Variants in ADAM8 observed in about 807,000 individuals in gnomAD.
ADAM8 encodes disintegrin and metalloproteinase domain-containing protein 8.
In ADAM8, 104 loss-of-function variants were observed where a neutral mutation model predicts 102.4. The observed-to-expected ratio is 1.02, with a 90% CI of 0.87 to 1.20. The LOEUF (loss-of-function observed/expected upper bound fraction) is 1.20, where lower values mean the gene tolerates loss of function less well. Ranked by LOEUF, ADAM8 falls within the 50% of genes most tolerant of loss-of-function variation. The pLI is 0.00. For missense variants in ADAM8, 1,132 were observed against 1,159.0 expected (o/e 0.98, Z 0.34); for synonymous variants, 517 against 485.2 (o/e 1.07, Z -0.86).
At position 133,268,055 on chromosome 10, in the gene ADAM8, G is replaced by T; in HGVS notation, c.2127C>A (p.Arg709=). 1.6e-6 allele frequency: 2 copies of T among 1,267,246 alleles called. No individual in the cohort carries two copies. The highest frequency in any genetic ancestry group is 2.2e-4 in the Middle Eastern group (1 of 4,494). The allele number at this position is 1,267,246 out of a possible 1,614,324, so 78.5% of individuals were successfully genotyped here. Residue 709 remains arginine, a synonymous_variant, in exon 20 of 23, where the codon CGC becomes CGA. Coordinates refer to ENST00000445355, the MANE Select transcript of ADAM8 (RefSeq NM_001109.5). ...SNPLFHQAAS[R]VPAKGGAPAP... is the part of the protein sequence containing the mutation. Reference sequence around the variant, plus strand: ...CTGGAGCCCCGCCCTTGGCCGGCACGCGGCTGGCAGCCTGGTGGAACAGGG... The same window carrying T: ...CTGGAGCCCCGCCCTTGGCCGGCACTCGGCTGGCAGCCTGGTGGAACAGGG...
intron 22 of ADAM8, 40 bp downstream of exon 22, chr10:133,263,648 T>C (rs373186286): frequency 1.5e-4 from 28 of 183,876 alleles, no homozygotes; most frequent in African/African-American, 1.2e-3. Flanking sequence ...GTGCCGTCCA[T>C]TGCACAGTGG....
In ADAM8 at chr10:133,269,485, G is replaced by A. The variant is rs1044461928; in HGVS notation, c.1908C>T (p.Ala636=). ...KQECHCHAGW[A]PPHCAKLLTE... ...TCAGCAGCTTCGCGCAGTGGGGCGG[G>A]GCCCAGCCCGCGTGGCAGTGGCACT... is the stretch of plus-strand genomic sequence containing the variant. The change falls in exon 18 of 23, where the codon GCC becomes GCT. Residue 636 remains alanine, a synonymous_variant. Coordinates refer to ENST00000445355, the MANE Select transcript of ADAM8 (RefSeq NM_001109.5). 1.9e-5 allele frequency: 30 copies of A among 1,599,708 alleles called. No homozygotes were observed. The Middle Eastern group carries it at 6.6e-4, about 35-fold the overall frequency.
At chr10:133,272,387 T>A in intron 9 of ADAM8, 29 bp downstream of exon 9, 10 of 221,640 alleles carry the variant, frequency 4.5e-5, no homozygotes, top group South Asian at 6.9e-5. Flanking sequence ...TCCCCAGCCC[T>A]CCCCACCCTG....
chr10:133,271,323 C>T, intron 12 of ADAM8, 34 bp from the exon 13 acceptor site: 2 of 1,595,100 alleles, frequency 1.3e-6, no homozygotes, highest in East Asian at 4.6e-5. Context: ...GCAGGCTGCA[C>T]TGGGGCCGGG....
chr10:133,275,713 C>T (rs1846727963), intron 1 of ADAM8, 126 bp from the exon 2 acceptor site: 1 of 562,674 alleles, frequency 1.8e-6, no homozygotes, highest in Non-Finnish European at 3.0e-6. Flanking sequence ...CACCAGATAG[C>T]TCTGGGACAA....
At chr10:133,265,777 G>A (rs2995305) in intron 21 of ADAM8, among the ~76,000 whole-genome samples, 9,542 of 151,126 alleles carry the variant, frequency 0.063, 922 homozygotes, top group African/African-American at 0.21. Context: ...CAGCCTGGGC[G>A]ACAGAACGAG....
Position 133,273,317 on chromosome 10 carries a change from G to A in ADAM8, c.510C>T (p.Ser170=), listed in dbSNP as rs543893134. The A allele has an allele frequency of 2.0e-5, 32 of 1,584,186 alleles. No homozygotes were observed. In the East Asian group the frequency reaches 3.5e-4, roughly 17 times the overall value. Residue 170 remains serine (S), a synonymous_variant, in exon 6 of 23, where the codon AGC becomes AGT. Transcript: ENST00000445355. ...CCAGGAGGCTGCCCAGGCTGTCGTC[G>A]CTGACCCCGCAGGTCCCGGCCGTCT... ...LLQTAGTCGV[S]DDSLGSLLGP...
In ADAM8 at chr10:133,269,215, C is replaced by T. The variant is rs1202944724; in HGVS notation, c.1948+230G>A. 15 of 980,600 alleles carry T rather than the reference C, an allele frequency of 1.5e-5. No homozygotes were observed. In the East Asian group the frequency reaches 4.6e-4, roughly 30 times the overall value. The allele number at this position is 980,600 out of a possible 1,614,324, so 60.7% of individuals were successfully genotyped here. On this transcript the variant is annotated intron_variant, in intron 18 of 22. Coordinates refer to ENST00000445355, the MANE Select transcript of ADAM8 (RefSeq NM_001109.5). ...CTGAGGACACTGGAGTCTCAGCTCA[C>T]GGCCGTGCCCTGCCCTCGGCCACTG...
chr10:133,269,585 G>C, intron 17 of ADAM8, 56 bp from the exon 18 acceptor site: 1 of 1,485,438 alleles, frequency 6.7e-7, no homozygotes, highest in South Asian at 1.3e-5. Context: ...AGGGGCCGTG[G>C]GGGCCGTGCC....
At chr10:133,269,655 T>G (rs1359495151) in intron 17 of ADAM8, 126 bp from the exon 18 acceptor site, 2 of 1,058,116 alleles carry the variant, frequency 1.9e-6, no homozygotes, top group Non-Finnish European at 2.7e-6. Flanking sequence ...CCTGCCCACA[T>G]GCGCCGACGG....
Position 133,263,679 on chromosome 10 carries a change from GGGCCTC to G in ADAM8, c.2397+3_2397+8del, listed in dbSNP as rs1274709055. On this transcript the variant is annotated splice_donor_5th_base_variant and intron_variant, in intron 22 of 22. Coordinates refer to ENST00000445355, the MANE Select transcript of ADAM8 (RefSeq NM_001109.5). ...AGTGGACTCTGCCTGGTGTGTGCTG[GGGCCTC>G]ACCTCAGCTGGACCAGGGTTGGCCG... 9.1e-7 allele frequency: 1 copy of G among 1,096,822 alleles called. No homozygotes were observed. The highest frequency in any genetic ancestry group is 3.8e-5 in the Admixed American group (1 of 26,238). 67.9% of individuals were successfully genotyped at this position (1,096,822 alleles called of 1,614,324 possible). A position where few individuals can be genotyped will look rare whatever the true frequency, so the allele number is the denominator to read the frequency against.
intron 8 of ADAM8, 61 bp downstream of exon 8, chr10:133,272,737 A>T (rs1846584462): frequency 2.8e-6 from 4 of 1,444,496 alleles, no homozygotes; most frequent in Non-Finnish European, 3.7e-6. Flanking sequence ...ACCCTGTGGC[A>T]ACACCCCCCC....
At chr10:133,270,121 C>G in intron 16 of ADAM8, 147 bp from the exon 17 acceptor site, 1 of 1,161,836 alleles carries the variant, frequency 8.6e-7, no homozygotes. Context: ...TGCCTACCCC[C>G]AAAGCCCCTG....
At position 133,273,595 on chromosome 10, in the gene ADAM8, G is replaced by A. The variant is rs558074927; in HGVS notation, c.384-152C>T. The A allele has an allele frequency of 5.5e-6, 7 of 1,262,236 alleles. No homozygotes were observed. The African/African-American group carries it at 6.0e-5, about 11-fold the overall frequency. 78.2% of individuals were successfully genotyped at this position (1,262,236 alleles called of 1,614,324 possible). A position where few individuals can be genotyped will look rare whatever the true frequency, so the allele number is the denominator to read the frequency against. ...GACTTCAGGCCCCAGGGTACAGGAG[G>A]GTGAGCCTCTTGGGCTTGGCGTCCC... is the stretch of plus-strand genomic sequence containing the variant. On this transcript the variant is annotated intron_variant, in intron 5 of 22. Transcript: ENST00000445355.
chr10:133,270,666 G>T (rs1846489804), intron 15 of ADAM8, 70 bp downstream of exon 15: 1 of 1,557,248 alleles, frequency 6.4e-7, no homozygotes, highest in East Asian at 2.3e-5. Context: ...ACCCTTTGCA[G>T]AGGCCCTTCT....
chr10:133,275,128 G>GC, intron 2 of ADAM8: 2 of 333,176 alleles, frequency 6.0e-6, no homozygotes, highest in Non-Finnish European at 1.1e-5. Context: ...ACCCCCGCCA[G>GC]GCCCCCCCCC....
chr10:133,276,712 C>A (rs1382627018), intron 1 of ADAM8, 60 bp downstream of exon 1: 7 of 1,516,232 alleles, frequency 4.6e-6, no homozygotes, highest in Non-Finnish European at 6.2e-6. Context: ...GCGTCGCGTC[C>A]TGCGGGGAGA....
intron 12 of ADAM8, 28 bp downstream of exon 12, chr10:133,271,500 C>T (rs1026229081): frequency 1.2e-5 from 19 of 1,530,350 alleles, no homozygotes; most frequent in South Asian, 8.5e-5. Context: ...CCAGTGCTGA[C>T]GGGAGCAGGT....
In ADAM8 at chr10:133,274,016, A is replaced by C; in HGVS notation, c.241T>G (p.Ser81Ala). Reference sequence around the variant, plus strand: ...GCCGTATAGGTCTCTGTGTAGCCGGAGCCCAGCAGGTCCCTGGAAAAGAAG... The same window carrying C: ...GCCGTATAGGTCTCTGTGTAGCCGGCGCCCAGCAGGTCCCTGGAAAAGAAG... ...HLRKNRDLLG[S>A]GYTETYTAAN... Residue 81 changes from serine (S) to alanine (A), a missense_variant, in exon 4 of 23, where the codon TCC becomes GCC. Physicochemically the swap from Ser to Ala is moderately conservative, Grantham distance 99. Transcript: ENST00000445355. 1.2e-6 allele frequency: 2 copies of C among 1,607,842 alleles called. No individual in the cohort carries two copies. The highest frequency in any genetic ancestry group is 1.7e-6 in the Non-Finnish European group (2 of 1,178,500).
Sources: allele counts gnomAD v4.1 joint callset (sites outside exome capture counted in the v4.1 genomes callset), GRCh38; gene constraint gnomAD v4.1.1; transcripts MANE v1.5; gene names NCBI Gene and HGNC (gene_info 2026-07-23, HGNC 2026-07-21).